The following RB1CC1 variants were observed in gnomAD, a reference collection of about 807,000 sequenced individuals.
The protein encoded by RB1CC1 is RB1 inducible coiled-coil 1, also known as RB1-inducible coiled-coil protein 1.
Under a neutral mutation model 177.5 loss-of-function variants are expected in RB1CC1, and 46 were observed. The ratio of observed to expected loss-of-function variants is 0.26; its 90% CI spans 0.20 to 0.33. The LOEUF (loss-of-function observed/expected upper bound fraction) is 0.33, where lower values mean the gene tolerates loss of function less well. Ranked by LOEUF, RB1CC1 falls within the 10% of genes least tolerant of loss-of-function variation. The pLI is 1.00. For missense variants in RB1CC1, 1,703 were observed against 1,816.3 expected (o/e 0.94, Z 1.13); for synonymous variants, 666 against 613.6 (o/e 1.09, Z -1.26).
intron 2 of RB1CC1, among the ~76,000 whole-genome samples, chr8:52,686,414 C>T (rs566751117): frequency 3.7e-4 from 57 of 152,218 alleles, no homozygotes; most frequent in African/African-American, 1.2e-3. Flanking sequence ...CACTTGGTGG[C>T]GCATGCCTGT....
chr8:52,634,218 T>TA (rs1848965493), intron 20 of RB1CC1, among the ~76,000 whole-genome samples: 1 of 151,912 alleles, frequency 6.6e-6, no homozygotes, highest in South Asian at 2.1e-4. Flanking sequence ...CACTTTCACT[T>TA]AAAAATAAGA....
chr8:52,638,684 G>C (rs574017664), intron 18 of RB1CC1, among the ~76,000 whole-genome samples: 2 of 152,006 alleles, frequency 1.3e-5, no homozygotes, highest in South Asian at 2.1e-4. Flanking sequence ...TTTCAGAGTA[G>C]TCTTTTATTT....
intron 1 of RB1CC1, among the ~76,000 whole-genome samples, chr8:52,692,393 TTGC>T (rs1208866521): frequency 6.6e-6 from 1 of 152,174 alleles, no homozygotes; most frequent in Non-Finnish European, 1.5e-5. Flanking sequence ...TACTTCCACT[TTGC>T]TTTTATTCTT....
At chr8:52,699,830 A>AAAAAAATATATATAT (rs1554557119) in intron 1 of RB1CC1, among the ~76,000 whole-genome samples, 1 of 26,724 alleles carries the variant, frequency 3.7e-5, no homozygotes, top group Non-Finnish European at 7.6e-5. Context: ...AAAAAAAAAA[A>AAAAAAATATATATAT]ATATATATAT....
chr8:52,663,187 C>G (rs1310823328), intron 8 of RB1CC1, among the ~76,000 whole-genome samples: 1 of 152,018 alleles, frequency 6.6e-6, no homozygotes, highest in Non-Finnish European at 1.5e-5. Context: ...CATGATAGCA[C>G]TGTAGTACTC....
In RB1CC1 at chr8:52,710,583, C is replaced by T. The variant is rs552543934; in HGVS notation, c.-167+3492G>A. Among the ~76,000 whole-genome samples, 39 of 152,152 alleles carry T rather than the reference C, an allele frequency of 2.6e-4. 1 individual carries two copies. The highest frequency in any genetic ancestry group is 4.7e-4 in the Non-Finnish European group (32 of 68,006). ...TAACAGAAATCTTTCTGTATCAGTA[C>T]ATATAAATGCATTACACATTTTGGT... is the stretch of plus-strand genomic sequence containing the variant. On this transcript the variant is annotated intron_variant, in intron 1 of 23. Transcript: ENST00000025008.
At chr8:52,696,178 G>C (rs1227648088) in intron 1 of RB1CC1, among the ~76,000 whole-genome samples, 1 of 152,134 alleles carries the variant, frequency 6.6e-6, no homozygotes, top group Non-Finnish European at 1.5e-5. Context: ...CCAAGTAGCT[G>C]GGATTACAGG....
intron 1 of RB1CC1, among the ~76,000 whole-genome samples, chr8:52,702,715 A>G (rs920863334): frequency 2.0e-5 from 3 of 152,240 alleles, no homozygotes; most frequent in African/African-American, 7.2e-5. Flanking sequence ...ACTCAAAAAA[A>G]AAGAAAAGAA....
At chr8:52,698,182 T>TC (rs1855623021) in intron 1 of RB1CC1, among the ~76,000 whole-genome samples, 2 of 151,940 alleles carry the variant, frequency 1.3e-5, no homozygotes, top group African/African-American at 4.8e-5. Context: ...GCTCAAGCAA[T>TC]CCTCCCACTT....
intron 3 of RB1CC1, 138 bp from the exon 4 acceptor site, chr8:52,684,151 A>G (rs1854030328): frequency 7.9e-6 from 8 of 1,012,538 alleles, no homozygotes; most frequent in African/African-American, 3.4e-5. Flanking sequence ...TAATAAAAAT[A>G]TAAGCTTCCT....
chr8:52,635,098 T>A (rs927589788), intron 19 of RB1CC1, 130 bp from the exon 20 acceptor site: 7 of 728,818 alleles, frequency 9.6e-6, no homozygotes, highest in Non-Finnish European at 1.6e-5. Flanking sequence ...GGGATATTAT[T>A]TTCTATGAAT....
chr8:52,643,548 G>C (rs922657685), intron 16 of RB1CC1, among the ~76,000 whole-genome samples: 3 of 150,840 alleles, frequency 2.0e-5, no homozygotes, highest in Non-Finnish European at 4.4e-5. Flanking sequence ...AATTATCTGG[G>C]TGTGGTGGCA....
chr8:52,704,466 A>AC, intron 1 of RB1CC1, among the ~76,000 whole-genome samples: 2 of 112,394 alleles, frequency 1.8e-5, no homozygotes, highest in Non-Finnish European at 4.2e-5. Context: ...AAAAAAAAAA[A>AC]AAAAAAAACA....
chr8:52,673,293 G>C (rs1034393421), intron 7 of RB1CC1, among the ~76,000 whole-genome samples: 5 of 152,076 alleles, frequency 3.3e-5, no homozygotes, highest in African/African-American at 1.2e-4. Flanking sequence ...GATATGAAGG[G>C]GTATTTATTC....
chr8:52,646,466 T>C (rs1850048519), intron 15 of RB1CC1, among the ~76,000 whole-genome samples: 1 of 152,222 alleles, frequency 6.6e-6, no homozygotes, highest in East Asian at 1.9e-4. Flanking sequence ...TAAACTCAAC[T>C]TCAAATGTCA....
chr8:52,631,654 T>C (rs781606026), intron 20 of RB1CC1, among the ~76,000 whole-genome samples: 3 of 152,192 alleles, frequency 2.0e-5, no homozygotes, highest in Admixed American at 6.5e-5. Context: ...TATCATGACC[T>C]ACACGGCCAA....
intron 1 of RB1CC1, among the ~76,000 whole-genome samples, chr8:52,704,341 G>C (rs919127253): frequency 1.3e-5 from 2 of 150,598 alleles, no homozygotes; most frequent in African/African-American, 4.9e-5. Context: ...GTGCCAAAAA[G>C]TAATAAAAAG....
At chr8:52,707,921 T>C (rs562834500) in intron 1 of RB1CC1, among the ~76,000 whole-genome samples, 1 of 152,268 alleles carries the variant, frequency 6.6e-6, no homozygotes, top group South Asian at 2.1e-4. Flanking sequence ...TCAGGTAACC[T>C]CCACATATCA....
Position 52,674,091 on chromosome 8 carries a change from T to C in RB1CC1, c.756A>G (p.Glu252=). The C allele has an allele frequency of 6.2e-7, 1 of 1,614,112 alleles. No homozygotes were observed. The highest frequency in any genetic ancestry group is 1.3e-5 in the African/African-American group (1 of 75,034). Residue 252 remains glutamate, a synonymous_variant, in exon 7 of 24, where the codon GAA becomes GAG. Coordinates refer to ENST00000025008, the MANE Select transcript of RB1CC1 (RefSeq NM_014781.5). ...ACTTGGGAAATGAGGTTAACAAAGATTCGTTAGTTGTTCTAGGCATATCAG... is the reference window on the plus strand; with the variant it reads ...ACTTGGGAAATGAGGTTAACAAAGACTCGTTAGTTGTTCTAGGCATATCAG... ...LSPDMPRTTN[E]SLLTSFPKSV...
Sources: allele counts gnomAD v4.1 joint callset (sites outside exome capture counted in the v4.1 genomes callset), GRCh38; gene constraint gnomAD v4.1.1; transcripts MANE v1.5; gene names NCBI Gene and HGNC (gene_info 2026-07-23, HGNC 2026-07-21).